The following LRRTM3 variants were observed in gnomAD, a reference collection of about 807,000 sequenced individuals.
The protein encoded by LRRTM3 is leucine-rich repeat transmembrane neuronal protein 3.
LRRTM3 carries 24 observed loss-of-function variants against 44.7 expected under a neutral mutation model. The ratio of observed to expected loss-of-function variants is 0.54; its 90% confidence interval spans 0.39 to 0.76. The LOEUF (loss-of-function observed/expected upper bound fraction) is 0.76. Among genes scored for constraint, LRRTM3 ranks in the 30% least tolerant of loss-of-function variants. The pLI, the probability that LRRTM3 is intolerant of heterozygous loss-of-function variation, is 0.00. For missense variants in LRRTM3, 587 were observed against 702.2 expected (o/e 0.84, Z 1.85); for synonymous variants, 277 against 278.7 (o/e 0.99, Z 0.06).
intron 2 of LRRTM3, among the ~76,000 whole-genome samples, chr10:66,936,568 C>T (rs1847707605): frequency 6.6e-6 from 1 of 151,988 alleles, no homozygotes; most frequent in African/African-American, 2.4e-5. Flanking sequence ...TTCTAGAATT[C>T]CCAATCAAAT....
At chr10:67,069,957 A>G (rs1368513563) in intron 2 of LRRTM3, among the ~76,000 whole-genome samples, 1 of 152,190 alleles carries the variant, frequency 6.6e-6, no homozygotes, top group Admixed American at 6.5e-5. Flanking sequence ...GTCATGGGAT[A>G]TGCATTGTAG....
chr10:67,025,954 TG>T (rs1191641922), intron 2 of LRRTM3, among the ~76,000 whole-genome samples: 1 of 150,616 alleles, frequency 6.6e-6, no homozygotes, highest in Non-Finnish European at 1.5e-5. Context: ...TCATGTCCTT[TG>T]TAGGGACATG....
At chr10:66,961,706 T>C (rs1849116710) in intron 2 of LRRTM3, among the ~76,000 whole-genome samples, 1 of 152,170 alleles carries the variant, frequency 6.6e-6, no homozygotes, top group South Asian at 2.1e-4. Context: ...CTATTATCTA[T>C]ACAATATTTG....
intron 2 of LRRTM3, among the ~76,000 whole-genome samples, chr10:67,040,432 A>G (rs959108640): frequency 1.3e-5 from 2 of 152,138 alleles, no homozygotes; most frequent in Non-Finnish European, 2.9e-5. Context: ...ATTTGGATGC[A>G]AAGTATCCAA....
chr10:67,070,544 C>T (rs748392002), intron 2 of LRRTM3, among the ~76,000 whole-genome samples: 4 of 151,974 alleles, frequency 2.6e-5, no homozygotes, highest in Admixed American at 6.6e-5. Context: ...GTCCGGAGAT[C>T]GAGACCATCT....
intron 2 of LRRTM3, among the ~76,000 whole-genome samples, chr10:67,050,509 C>G (rs533462442): frequency 6.6e-6 from 1 of 152,306 alleles, no homozygotes; most frequent in African/African-American, 2.4e-5. Context: ...ACAGCAGGCT[C>G]TGACTGAAAA....
chr10:67,049,075 G>A (rs577254337), intron 2 of LRRTM3, among the ~76,000 whole-genome samples: 14 of 148,676 alleles, frequency 9.4e-5, no homozygotes, highest in South Asian at 4.2e-4. Flanking sequence ...ACACCAGTTA[G>A]AAAAAAATGA....
chr10:66,991,301 G>C (rs1022570871), intron 2 of LRRTM3, among the ~76,000 whole-genome samples: 1 of 152,050 alleles, frequency 6.6e-6, no homozygotes, highest in African/African-American at 2.4e-5. Context: ...ATATTTCTAA[G>C]TGCCAATGTC....
intron 2 of LRRTM3, among the ~76,000 whole-genome samples, chr10:66,938,096 A>G (rs1269493559): frequency 6.6e-6 from 1 of 152,228 alleles, no homozygotes; most frequent in African/African-American, 2.4e-5. Flanking sequence ...CAAACAATCT[A>G]CAGTAAACAT....
intron 2 of LRRTM3, among the ~76,000 whole-genome samples, chr10:66,983,146 A>T (rs1411346822): frequency 1.3e-5 from 2 of 152,142 alleles, no homozygotes; most frequent in African/African-American, 4.8e-5. Flanking sequence ...CTAATGAGCA[A>T]ATTTTTTTAT....
chr10:67,027,778 T>C (rs1441905231), intron 2 of LRRTM3, among the ~76,000 whole-genome samples: 1 of 152,188 alleles, frequency 6.6e-6, no homozygotes, highest in Admixed American at 6.6e-5. Flanking sequence ...GCCTAGGACA[T>C]ATAATATGTC....
intron 2 of LRRTM3, among the ~76,000 whole-genome samples, chr10:67,011,610 T>G (rs534246158): frequency 6.3e-4 from 96 of 152,236 alleles, no homozygotes; most frequent in African/African-American, 2.3e-3. Flanking sequence ...CCCTAAAATT[T>G]TTAGTAGAAT....
chr10:66,932,180 G>A (rs1257348637), intron 2 of LRRTM3, among the ~76,000 whole-genome samples: 1 of 152,162 alleles, frequency 6.6e-6, no homozygotes, highest in African/African-American at 2.4e-5. Flanking sequence ...AGTCTAAGAG[G>A]TGATGATTCA....
At chr10:66,998,696 G>C (rs1015496763) in intron 2 of LRRTM3, among the ~76,000 whole-genome samples, 1 of 152,080 alleles carries the variant, frequency 6.6e-6, no homozygotes, top group Non-Finnish European at 1.5e-5. Context: ...AAATAACATT[G>C]TCCAGAATAT....
At chr10:67,061,002 A>G (rs1405061539) in intron 2 of LRRTM3, among the ~76,000 whole-genome samples, 2 of 152,170 alleles carry the variant, frequency 1.3e-5, no homozygotes, top group African/African-American at 4.8e-5. Flanking sequence ...AACCTCAAAG[A>G]GTCATGGGAA....
At position 66,928,432 on chromosome 10, in the gene LRRTM3, T is replaced by G. The variant is rs753394802; in HGVS notation, c.1516T>G (p.Ser506Ala). ...GACGGGACCCTGCACCTATAACAAA[T>G]CGGGCTCCAGGGAGTGTGAGGTATG... ...NGTGPCTYNK[S>A]GSRECEIPLS... is the part of the protein sequence containing the mutation. Residue 506 changes from serine (S) to alanine (A), a missense_variant, in exon 2 of 3, where the codon TCG becomes GCG. By Grantham distance (99) the Ser-to-Ala change is moderately conservative. Transcript: ENST00000361320. 10 of 1,609,506 alleles carry G rather than the reference T, an allele frequency of 6.2e-6. No individual in the cohort carries two copies. In the South Asian group the frequency reaches 1.1e-4, roughly 18 times the overall value.
intron 2 of LRRTM3, among the ~76,000 whole-genome samples, chr10:66,982,157 G>A (rs937379672): frequency 6.6e-6 from 1 of 152,180 alleles, no homozygotes; most frequent in Non-Finnish European, 1.5e-5. Context: ...TTGCATTCTG[G>A]CAGTTTGAAC....
chr10:67,017,978 G>T (rs1382663476), intron 2 of LRRTM3, among the ~76,000 whole-genome samples: 1 of 152,042 alleles, frequency 6.6e-6, no homozygotes, highest in Non-Finnish European at 1.5e-5. Context: ...CACCATGTTG[G>T]CAAGGCTGGT....
chr10:67,054,720 A>G (rs1292201658), intron 2 of LRRTM3: 1 of 152,134 alleles, frequency 6.6e-6, no homozygotes, highest in East Asian at 1.9e-4. Context: ...TTGTTTCTAT[A>G]CAATCGAAGT....
Sources: allele counts gnomAD v4.1 joint callset (sites outside exome capture counted in the v4.1 genomes callset), GRCh38; gene constraint gnomAD v4.1.1; transcripts MANE v1.5; gene names NCBI Gene and HGNC (gene_info 2026-07-23, HGNC 2026-07-21).